The following WNT3 variants were observed in gnomAD, a reference collection of about 807,000 sequenced individuals.
WNT3 encodes proto-oncogene Wnt-3.
A neutral mutation model predicts 34.2 loss-of-function variants in WNT3; 7 were observed. That is an observed-to-expected ratio of 0.20 (90% CI 0.12 to 0.38). The LOEUF (loss-of-function observed/expected upper bound fraction) is 0.38, where lower values mean the gene tolerates loss of function less well. WNT3 is among the 10% of genes least tolerant of loss of function. The pLI, the probability that WNT3 is intolerant of heterozygous loss-of-function variation, is 1.00. For synonymous variants in WNT3, 212 were observed against 211.5 expected, an observed-to-expected ratio of 1.00 and a Z score of -0.02; for missense variants, 267 against 499.8, an observed-to-expected ratio of 0.53 and a Z score of 4.44.
At position 46,768,940 on chromosome 17, in the gene WNT3, G is replaced by C; in HGVS notation, c.589-141C>G. The C allele has an allele frequency of 1.5e-6, 2 of 1,313,474 alleles. No homozygotes were observed. Among genetic ancestry groups the C allele is most frequent in the Non-Finnish European group, 2.0e-6 (2 of 977,452 alleles). 81.4% of individuals were successfully genotyped at this position (1,313,474 alleles called of 1,614,324 possible). On this transcript the variant is annotated intron_variant, in intron 3 of 4. Coordinates refer to ENST00000225512, the MANE Select transcript of WNT3 (RefSeq NM_030753.5). The surrounding 1 kb of genome is among the most constrained non-coding windows in gnomAD (Gnocchi z 5.0). Reference sequence around the variant, plus strand: ...GACAGGAAGAGAACTGATGGGGACTGAGGCAAGACCTAAAGAATAGTGACC... The same window carrying C: ...GACAGGAAGAGAACTGATGGGGACTCAGGCAAGACCTAAAGAATAGTGACC...
At chr17:46,776,183 G>A (rs2059410718) in intron 1 of WNT3, among the ~76,000 whole-genome samples, 1 of 152,216 alleles carries the variant, frequency 6.6e-6, no homozygotes, top group Non-Finnish European at 1.5e-5. Context: ...GACCCTGCCT[G>A]CTGGGCAGTG....
chr17:46,791,323 C>T (rs543309346), intron 1 of WNT3, among the ~76,000 whole-genome samples: 1 of 152,104 alleles, frequency 6.6e-6, no homozygotes, highest in Non-Finnish European at 1.5e-5. Context: ...AAGCGATTCT[C>T]CTCCTGAGTA....
At chr17:46,769,071 C>T (rs2059339633) in intron 3 of WNT3, among the ~76,000 whole-genome samples, 1 of 152,320 alleles carries the variant, frequency 6.6e-6, no homozygotes, top group Admixed American at 6.5e-5. Flanking sequence ...AATCCCAGCA[C>T]CTTGGGAGGC....
chr17:46,776,190 A>G (rs2059410759), intron 1 of WNT3, among the ~76,000 whole-genome samples: 1 of 152,134 alleles, frequency 6.6e-6, no homozygotes, highest in African/African-American at 2.4e-5. Context: ...CCTGCTGGGC[A>G]GTGCCTGCCT....
Position 46,768,172 on chromosome 17 carries a change from C to T in WNT3, c.*8+140G>A, listed in dbSNP as rs77266163. ...CCCACGGATGCTTGAAAAATCCTAG[C>T]TTCCTATTTTGGCTGTGGGAACTTG... On this transcript the variant is annotated intron_variant, in intron 4 of 4. Transcript: ENST00000225512. The surrounding 1 kb of genome is among the most constrained non-coding windows in gnomAD (Gnocchi z 5.0). The T allele has an allele frequency of 0.017, 21,107 of 1,246,776 alleles. 258 individuals carry two copies. The highest frequency in any genetic ancestry group is 0.02 in the Non-Finnish European group (18,131 of 895,144). 77.2% of individuals were successfully genotyped at this position (1,246,776 alleles called of 1,614,324 possible).
intron 1 of WNT3, among the ~76,000 whole-genome samples, chr17:46,812,090 C>T (rs1369932730): frequency 6.6e-6 from 1 of 152,222 alleles, no homozygotes; most frequent in Non-Finnish European, 1.5e-5. Context: ...ATCCAGTCTC[C>T]CTTGGAGAAG....
rs142172614 is a variant in WNT3 at position 46,781,596 on chromosome 17, A to AGGGAGT, written c.81-7693_81-7688dup. Among the ~76,000 whole-genome samples the AGGGAGT allele has an allele frequency of 1.0e-3, 156 of 152,282 alleles. 1 individual carries two copies. The highest frequency in any genetic ancestry group is 2.3e-3 in the South Asian group (11 of 4,812). On this transcript the variant is annotated intron_variant, in intron 1 of 4. Transcript: ENST00000225512. ...GAGGTTGCCAGGGGTTCTGGAAGGG[A>AGGGAGT]GGGAGTGGGAAGTTACTGCTTAATA...
chr17:46,806,142 C>G (rs768731720), intron 1 of WNT3, among the ~76,000 whole-genome samples: 1 of 151,858 alleles, frequency 6.6e-6, no homozygotes. Flanking sequence ...TTCCGAGCTC[C>G]TTACAGCTCC....
chr17:46,809,821 G>A (rs2084247670), intron 1 of WNT3, among the ~76,000 whole-genome samples: 1 of 152,062 alleles, frequency 6.6e-6, no homozygotes, highest in East Asian at 1.9e-4. Context: ...TCTCCCAGGG[G>A]CTCTCCAGTG....
Position 46,773,696 on chromosome 17 carries a change from C to T in WNT3, c.294G>A (p.Leu98=). The T allele has an allele frequency of 7.3e-7, 1 of 1,377,118 alleles. No homozygotes were observed. The highest frequency in any genetic ancestry group is 1.1e-5 in the South Asian group (1 of 88,298). The allele number at this position is 1,377,118 out of a possible 1,614,324, so 85.3% of individuals were successfully genotyped here. The change falls in exon 2 of 5, where the codon CTG becomes CTA. Residue 98 remains leucine (L), a synonymous_variant. Coordinates refer to ENST00000225512, the MANE Select transcript of WNT3 (RefSeq NM_030753.5). The part of the protein sequence containing the change: ...RWNCTTIDDS[L]AIFGPVLDKA... Reference sequence around the variant, plus strand: ...TGTCGAGGACGGGCCCAAAGATGGCCAGGCTGTCATCTATGGTGGTGCAGT... The same window carrying T: ...TGTCGAGGACGGGCCCAAAGATGGCTAGGCTGTCATCTATGGTGGTGCAGT...
Position 46,813,054 on chromosome 17 carries a change from G to C in WNT3, c.80+5464C>G, listed in dbSNP as rs190245126. The stretch of plus-strand genomic sequence containing the variant: ...GCTCCAGAAGAGTGGGAGTGTTTGG[G>C]GCGAGGTTTGGAAGTGCAAGCAGGT... On this transcript the variant is annotated intron_variant, in intron 1 of 4. Coordinates refer to ENST00000225512, the MANE Select transcript of WNT3 (RefSeq NM_030753.5). Among the ~76,000 whole-genome samples the C allele has an allele frequency of 2.0e-4, 30 of 152,214 alleles. No individual in the cohort carries two copies. The East Asian group carries it at 5.4e-3, about 28-fold the overall frequency.
intron 4 of WNT3, among the ~76,000 whole-genome samples, chr17:46,765,666 C>T (rs1488654710): frequency 2.0e-5 from 3 of 152,250 alleles, no homozygotes; most frequent in African/African-American, 4.8e-5. Flanking sequence ...GAGTCTCGGC[C>T]GAGCCTGGGC....
intron 1 of WNT3, among the ~76,000 whole-genome samples, chr17:46,793,190 C>T (rs1191919253): frequency 1.4e-5 from 2 of 139,878 alleles, no homozygotes; most frequent in Admixed American, 7.8e-5. Flanking sequence ...GGGAGGATTG[C>T]TTGAGCCCAG....
intron 1 of WNT3, among the ~76,000 whole-genome samples, chr17:46,796,121 A>G (rs1233601623): frequency 1.3e-5 from 2 of 152,192 alleles, no homozygotes; most frequent in African/African-American, 2.4e-5. Context: ...GCTGACCCCA[A>G]TCCTGATCTT....
chr17:46,816,535 C>G (rs62071976), intron 1 of WNT3, among the ~76,000 whole-genome samples: 136 of 151,476 alleles, frequency 9.0e-4, no homozygotes, highest in Non-Finnish European at 1.7e-3. Context: ...TTGGCTTAGA[C>G]AAAGCAGCAT....
chr17:46,773,181 C>T (rs759698878), intron 2 of WNT3, among the ~76,000 whole-genome samples: 3 of 152,224 alleles, frequency 2.0e-5, no homozygotes, highest in African/African-American at 7.2e-5. Flanking sequence ...GATTCCTGGG[C>T]ATATCCAGCT....
Position 46,768,847 on chromosome 17 carries a change from G to T in WNT3, c.589-48C>A. ...GGCCAACAGACCGACCCCACGAGGGGGCACATCCAGGCCTTCCCTCTCTGC... is the reference window on the plus strand; with the variant it reads ...GGCCAACAGACCGACCCCACGAGGGTGCACATCCAGGCCTTCCCTCTCTGC... On this transcript the variant is annotated intron_variant, in intron 3 of 4. Coordinates refer to ENST00000225512, the MANE Select transcript of WNT3 (RefSeq NM_030753.5). The surrounding 1 kb of genome is among the most constrained non-coding windows in gnomAD (Gnocchi z 5.0). The T allele has an allele frequency of 1.9e-6, 3 of 1,593,680 alleles. No homozygotes were observed. Among genetic ancestry groups the T allele is most frequent in the Non-Finnish European group, 1.7e-6 (2 of 1,172,502 alleles).
chr17:46,800,534 C>T (rs2146441853), intron 1 of WNT3, among the ~76,000 whole-genome samples: 1 of 152,276 alleles, frequency 6.6e-6, no homozygotes, highest in South Asian at 2.1e-4. Flanking sequence ...ACTGGGAAGA[C>T]AAGACAGATG....
chr17:46,788,756 AGGACCTCCCT>A (rs2083940325), intron 1 of WNT3, among the ~76,000 whole-genome samples: 1 of 150,364 alleles, frequency 6.7e-6, no homozygotes, highest in South Asian at 2.1e-4. Context: ...CCTCCCTGCG[AGGACCTCCCT>A]GCCTCCTTTC....
Sources: gnomAD v4.1 joint callset for allele counts (sites outside exome capture counted in the v4.1 genomes callset) on GRCh38, gnomAD v4.1.1 for gene constraint, Gnocchi (gnomAD v3.1) non-coding constraint, MANE v1.5 for transcripts, NCBI Gene and HGNC (gene_info 2026-07-23, HGNC 2026-07-21) for gene names.